The following NEK6 variants were observed in gnomAD, a reference collection of about 807,000 sequenced individuals.
The protein encoded by NEK6 is serine/threonine-protein kinase Nek6.
A neutral mutation model predicts 43.5 loss-of-function variants in NEK6; 27 were observed. That is an observed-to-expected ratio of 0.62 (90% confidence interval 0.46 to 0.86). The LOEUF is 0.86. Among genes scored for constraint, NEK6 ranks in the 40% least tolerant of loss-of-function variants. The pLI is 0.00. For missense variants in NEK6, 318 were observed against 414.4 expected, an observed-to-expected ratio of 0.77 and a Z score of 2.02; for synonymous variants, 167 against 164.1, an observed-to-expected ratio of 1.02 and a Z score of -0.14.
intron 4 of NEK6, 25 bp from the exon 5 acceptor site, chr9:124,321,434 C>CGGGG: frequency 6.7e-7 from 1 of 1,492,140 alleles, no homozygotes; most frequent in Non-Finnish European, 9.3e-7. Flanking sequence ...TTGGTGCCCC[C>CGGGG]TTCCCTCTTT....
intron 1 of NEK6, among the ~76,000 whole-genome samples, chr9:124,294,142 G>A (rs752336690): frequency 5.9e-5 from 9 of 152,212 alleles, no homozygotes; most frequent in Non-Finnish European, 1.0e-4. Context: ...AGGGTGGGAG[G>A]ATCACCTGAG....
intron 4 of NEK6, among the ~76,000 whole-genome samples, chr9:124,319,355 C>G (rs1833959405): frequency 6.6e-6 from 1 of 151,856 alleles, no homozygotes; most frequent in Admixed American, 6.6e-5. Context: ...GGACATTAGT[C>G]CTTTGTCAGA....
chr9:124,323,103 A>G (rs1476068603), intron 5 of NEK6, among the ~76,000 whole-genome samples: 7 of 152,188 alleles, frequency 4.6e-5, no homozygotes, highest in Non-Finnish European at 1.0e-4. Flanking sequence ...GCCAAGAACT[A>G]GGGTTGCCGC....
chr9:124,319,226 C>T (rs1035042613), intron 4 of NEK6, among the ~76,000 whole-genome samples: 10 of 152,100 alleles, frequency 6.6e-5, no homozygotes, highest in Admixed American at 2.6e-4. Context: ...CTCAATGATC[C>T]GCCCACCTCA....
intron 4 of NEK6, among the ~76,000 whole-genome samples, chr9:124,316,161 C>T (rs1588502997): frequency 6.6e-6 from 1 of 152,200 alleles, no homozygotes; most frequent in South Asian, 2.1e-4. Flanking sequence ...ACGTGGTTTT[C>T]GGAGGGGTGA....
Position 124,353,144 on chromosome 9 carries a change from T to C in NEK6, c.*2197T>C, listed in dbSNP as rs537429384. On this transcript the variant is annotated 3_prime_UTR_variant, in exon 10 of 10. Transcript: ENST00000320246. ...TGAGAACACAGCTTTGGCTTTGCCA[T>C]TTTTTTCCTACTTGGCTGCTGAGGT... 187 of 160,310 alleles carry C rather than the reference T, an allele frequency of 1.2e-3. 3 individuals are homozygous for C. The highest frequency in any genetic ancestry group is 6.8e-5 in the Non-Finnish European group (5 of 73,808). 9.9% of individuals were successfully genotyped at this position (160,310 alleles called of 1,614,324 possible). A position where few individuals can be genotyped will look rare whatever the true frequency, so the allele number is the denominator to read the frequency against.
intron 1 of NEK6, among the ~76,000 whole-genome samples, chr9:124,263,901 G>A (rs996206868): frequency 1.3e-5 from 2 of 152,252 alleles, no homozygotes; most frequent in Non-Finnish European, 2.9e-5. Flanking sequence ...AGTCCTCGGC[G>A]TGGCATTGGA....
chr9:124,317,374 C>T (rs1347875162), intron 4 of NEK6, among the ~76,000 whole-genome samples: 7 of 152,138 alleles, frequency 4.6e-5, no homozygotes, highest in Admixed American at 2.6e-4. Context: ...CCACCACACC[C>T]GGCTAATTTT....
At chr9:124,299,427 T>A (rs2119116815) in intron 1 of NEK6, among the ~76,000 whole-genome samples, 1 of 152,222 alleles carries the variant, frequency 6.6e-6, no homozygotes, top group East Asian at 1.9e-4. Context: ...TCTCTCATAT[T>A]CCCCCTAACA....
intron 4 of NEK6, among the ~76,000 whole-genome samples, chr9:124,319,709 T>C (rs564954900): frequency 1.3e-5 from 2 of 152,306 alleles, no homozygotes; most frequent in African/African-American, 4.8e-5. Context: ...CCTTTCCCCA[T>C]TGCTTATTTT....
At chr9:124,292,355 T>G in intron 1 of NEK6, 1 of 1,494,002 alleles carries the variant, frequency 6.7e-7, no homozygotes, top group South Asian at 1.3e-5. Flanking sequence ...GAGTAATCCC[T>G]GGGCTTGGCC....
chr9:124,285,726 G>A (rs969357837), intron 1 of NEK6, among the ~76,000 whole-genome samples: 1 of 152,116 alleles, frequency 6.6e-6, no homozygotes, highest in South Asian at 2.1e-4. Context: ...AGGGCCGGCC[G>A]CAGGCAGGAG....
intron 9 of NEK6, 69 bp from the exon 10 acceptor site, chr9:124,350,768 A>T: frequency 9.2e-7 from 1 of 1,081,178 alleles, no homozygotes; most frequent in South Asian, 1.3e-5. Context: ...TCATGCAGAC[A>T]GACTGTGGAG....
At chr9:124,297,580 G>A (rs1323578461) in intron 1 of NEK6, among the ~76,000 whole-genome samples, 4 of 152,232 alleles carry the variant, frequency 2.6e-5, no homozygotes, top group Non-Finnish European at 5.9e-5. Flanking sequence ...TCACTGTGCA[G>A]CTATCCACAG....
At position 124,292,566 on chromosome 9, in the gene NEK6, C is replaced by T. The variant is rs372537932; in HGVS notation, c.-29-9370C>T. 130 of 1,536,740 alleles carry T rather than the reference C, an allele frequency of 8.5e-5. No homozygotes were observed. The East Asian group carries it at 3.1e-3, about 37-fold the overall frequency. ...TGAGTTTTTTACAAACACCGAAGCC[C>T]TCCAGCCCCCGGGGCTGTTCCACTT... On this transcript the variant is annotated intron_variant, in intron 1 of 9. Transcript: ENST00000320246.
At chr9:124,325,806 C>T (rs576911598) in intron 5 of NEK6, among the ~76,000 whole-genome samples, 2 of 152,334 alleles carry the variant, frequency 1.3e-5, no homozygotes, top group Admixed American at 1.3e-4. Flanking sequence ...TCAAGGTTCT[C>T]GCCGCGTTTG....
rs144397688 is a variant in NEK6 at position 124,339,632 on chromosome 9, C to T, written c.684C>T (p.Ser228=). Residue 228 remains serine (S), a synonymous_variant, in exon 8 of 10, where the codon TCC becomes TCT. Coordinates refer to ENST00000320246, the MANE Select transcript of NEK6 (RefSeq NM_014397.6). The stretch of plus-strand genomic sequence containing the variant: ...ATGAGAACGGCTACAACTTCAAGTC[C>T]GACATCTGGTCCCTGGGCTGTCTGC... ...RIHENGYNFK[S]DIWSLGCLLY... 1.1e-3 allele frequency: 1,794 copies of T among 1,614,084 alleles called. 3 individuals are homozygous for T. The highest frequency in any genetic ancestry group is 1.0e-3 in the Non-Finnish European group (1,196 of 1,179,958).
rs748414849 is a variant in NEK6, at chr9:124,351,703, G to A, written c.*756G>A. 2.6e-5 allele frequency: 4 copies of A among 152,170 alleles called. No individual in the cohort carries two copies. Among genetic ancestry groups the A allele is most frequent in the Non-Finnish European group, 5.9e-5 (4 of 68,028 alleles). 9.4% of individuals were successfully genotyped at this position (152,170 alleles called of 1,614,324 possible). A position where few individuals can be genotyped will look rare whatever the true frequency, so the allele number is the denominator to read the frequency against. On this transcript the variant is annotated 3_prime_UTR_variant, in exon 10 of 10. Coordinates refer to ENST00000320246, the MANE Select transcript of NEK6 (RefSeq NM_014397.6). ...ATTTTCCTCCATGGGAAGGAAGCATGGGATATAGAAAAGCGAAGGGCTGTC... is the reference window on the plus strand; with the variant it reads ...ATTTTCCTCCATGGGAAGGAAGCATAGGATATAGAAAAGCGAAGGGCTGTC...
rs188071174 is a variant in NEK6, at chr9:124,306,894, C to T, written c.90+4840C>T. Among the ~76,000 whole-genome samples the T allele has an allele frequency of 2.1e-3, 326 of 152,230 alleles. 2 individuals are homozygous for T. Among genetic ancestry groups the T allele is most frequent in the African/African-American group, 7.4e-3 (307 of 41,516 alleles). On this transcript the variant is annotated intron_variant, in intron 2 of 9. Transcript: ENST00000320246. ...GTCAGATGTCTTTAAAGGTGAAATT[C>T]GTTTATAAGAAATGTCATCCTGATG...
Sources: gnomAD v4.1 joint callset for allele counts (sites outside exome capture counted in the v4.1 genomes callset) on GRCh38, gnomAD v4.1.1 for gene constraint, MANE v1.5 for transcripts, NCBI Gene and HGNC (gene_info 2026-07-23, HGNC 2026-07-21) for gene names.